The following NUP210 variants were observed in gnomAD, a reference collection of about 807,000 sequenced individuals.
The protein encoded by NUP210 is nuclear pore membrane glycoprotein 210.
In NUP210, 151 loss-of-function variants were observed where a neutral mutation model predicts 196.0. The observed-to-expected ratio is 0.77, with a 90% CI of 0.67 to 0.88. NUP210 has a LOEUF of 0.88. Among genes scored for constraint, NUP210 ranks in the 40% least tolerant of loss-of-function variants. NUP210 has a pLI of 0.00. For missense variants in NUP210, 2,314 were observed against 2,493.7 expected (o/e 0.93, Z 1.53); for synonymous variants, 1,070 against 1,052.7 (o/e 1.02, Z -0.32).
At chr3:13,404,364 T>C (rs1699934042) in intron 1 of NUP210, among the ~76,000 whole-genome samples, 1 of 152,152 alleles carries the variant, frequency 6.6e-6, no homozygotes, top group Non-Finnish European at 1.5e-5. Flanking sequence ...TAAGGAGGAA[T>C]TCACTTTTAT....
At chr3:13,381,909 G>A (rs987335525) in intron 6 of NUP210, among the ~76,000 whole-genome samples, 3 of 152,014 alleles carry the variant, frequency 2.0e-5, no homozygotes, top group Non-Finnish European at 4.4e-5. Flanking sequence ...GAGCTCCTGC[G>A]GAGCTGGGTC....
chr3:13,384,045 C>G (rs1389220030), intron 6 of NUP210, among the ~76,000 whole-genome samples: 1 of 152,202 alleles, frequency 6.6e-6, no homozygotes. Flanking sequence ...TCACTGCAAC[C>G]TCCACCTCCT....
At chr3:13,341,924 C>T in intron 22 of NUP210, 41 bp from the exon 23 acceptor site, 2 of 1,613,466 alleles carry the variant, frequency 1.2e-6, no homozygotes, top group East Asian at 2.2e-5. Context: ...CAAGACCACC[C>T]CGTGGGAAAG....
At chr3:13,413,004 C>T (rs1300718662) in intron 1 of NUP210, among the ~76,000 whole-genome samples, 2 of 151,626 alleles carry the variant, frequency 1.3e-5, no homozygotes, top group Non-Finnish European at 2.9e-5. Flanking sequence ...CAGTAGCTCA[C>T]GCCTGTAATC....
intron 36 of NUP210, among the ~76,000 whole-genome samples, chr3:13,321,374 C>G (rs972459090): frequency 2.6e-5 from 4 of 152,238 alleles, no homozygotes; most frequent in Non-Finnish European, 5.9e-5. Flanking sequence ...AGACCAGCAG[C>G]GGTCAGAACA....
chr3:13,373,926 G>A (rs1698813598), intron 11 of NUP210, 53 bp from the exon 12 acceptor site: 1 of 1,595,502 alleles, frequency 6.3e-7, no homozygotes, highest in African/African-American at 1.3e-5. Flanking sequence ...GCCTGCTGGG[G>A]AAGTCAGAGG....
intron 20 of NUP210, among the ~76,000 whole-genome samples, chr3:13,346,622 T>G (rs967998077): frequency 1.6e-4 from 24 of 152,172 alleles, no homozygotes; most frequent in African/African-American, 5.8e-4. Context: ...CCTCGGAGCT[T>G]GCCAGGCCCC....
rs1411476691 is a variant in NUP210, at chr3:13,372,022, A to G, written c.1598T>C (p.Ile533Thr). The change falls in exon 13 of 40, where the codon ATC becomes ACC. Residue 533 changes from isoleucine to threonine, a missense_variant. Physicochemically the swap from Ile to Thr is moderately conservative, Grantham distance 89 (BLOSUM62 -1). Transcript: ENST00000254508. The part of the protein sequence containing the change: ...LHFGEMKVYV[I>T]EPHSMEFAPC... Reference sequence around the variant, plus strand: ...GGCAAACTCCATGCTGTGGGGCTCGATCACATACACCTGGAAGACAGGGGC... The same window carrying G: ...GGCAAACTCCATGCTGTGGGGCTCGGTCACATACACCTGGAAGACAGGGGC... 6.3e-7 allele frequency: 1 copy of G among 1,579,422 alleles called. No individual in the cohort carries two copies. The highest frequency in any genetic ancestry group is 1.2e-5 in the South Asian group (1 of 86,782).
At chr3:13,397,839 C>A (rs923862254) in intron 2 of NUP210, among the ~76,000 whole-genome samples, 3 of 152,210 alleles carry the variant, frequency 2.0e-5, no homozygotes, top group African/African-American at 7.2e-5. Context: ...AAGACGAGAA[C>A]CCTGTCCCTT....
intron 10 of NUP210, 92 bp downstream of exon 10, chr3:13,376,199 C>T (rs1162333794): frequency 1.4e-6 from 2 of 1,390,124 alleles, no homozygotes; most frequent in East Asian, 2.3e-5. Context: ...GGCCCAACTC[C>T]CTGGGACTCA....
intron 39 of NUP210, among the ~76,000 whole-genome samples, chr3:13,318,422 A>C (rs1314695116): frequency 6.6e-6 from 1 of 152,182 alleles, no homozygotes; most frequent in African/African-American, 2.4e-5. Context: ...TTTCAAAAAA[A>C]TTCAGGGACC....
In NUP210 at chr3:13,353,415, C is replaced by A. The variant is rs943781257; in HGVS notation, c.2628+139G>T. The A allele has an allele frequency of 2.5e-5, 17 of 693,836 alleles. No individual in the cohort carries two copies. The Admixed American group carries it at 3.6e-4, about 15-fold the overall frequency. The allele number at this position is 693,836 out of a possible 1,614,324, so 43.0% of individuals were successfully genotyped here. On this transcript the variant is annotated intron_variant, in intron 18 of 39. Coordinates refer to ENST00000254508, the MANE Select transcript of NUP210 (RefSeq NM_024923.4). The stretch of plus-strand genomic sequence containing the variant: ...TTAATAGCAGTGCCTCTCCTGGGGC[C>A]TCCAAGAGGCTGGGGTGGGGGAGTG...
At chr3:13,354,177 A>G (rs1239382317) in intron 16 of NUP210, 70 bp from the exon 17 acceptor site, 1 of 1,336,768 alleles carries the variant, frequency 7.5e-7, no homozygotes, top group Non-Finnish European at 1.0e-6. Flanking sequence ...CACGCAGTGC[A>G]CTCTGAGGCC....
chr3:13,420,114 G>A lies in NUP210; in HGVS notation c.113C>T (p.Thr38Met). 7.2e-7 allele frequency: 1 copy of A among 1,383,230 alleles called. No individual in the cohort carries two copies. The allele number at this position is 1,383,230 out of a possible 1,614,324, so 85.7% of individuals were successfully genotyped here. Reference sequence around the variant, plus strand: ...CGTGAAGTTAACGCGCGTGGCCCGCGTGAAGGGCAGCAGCACTTTGGGGAT... The same window carrying A: ...CGTGAAGTTAACGCGCGTGGCCCGCATGAAGGGCAGCAGCACTTTGGGGAT... Reference protein sequence around the residue: ...LNIPKVLLPFTRATRVNFTLE... With the variant: ...LNIPKVLLPFMRATRVNFTLE... The change falls in exon 1 of 40, where the codon ACG becomes ATG. Residue 38 changes from threonine to methionine, a missense_variant. Transcript: ENST00000254508. The surrounding 1 kb of genome is among the most constrained non-coding windows in gnomAD (Gnocchi z 4.8).
At chr3:13,338,900 T>C (rs953890273) in intron 25 of NUP210, among the ~76,000 whole-genome samples, 4 of 152,134 alleles carry the variant, frequency 2.6e-5, no homozygotes, top group African/African-American at 9.7e-5. Context: ...CGCAGGGCCC[T>C]GTGCCCCTCT....
chr3:13,412,108 G>T (rs563374780), intron 1 of NUP210, among the ~76,000 whole-genome samples: 1 of 151,716 alleles, frequency 6.6e-6, no homozygotes, highest in African/African-American at 2.4e-5. Flanking sequence ...GGCTGGAGTA[G>T]AGTGGTACAA....
chr3:13,358,163 T>A, intron 16 of NUP210, 59 bp downstream of exon 16: 1 of 1,500,104 alleles, frequency 6.7e-7, no homozygotes, highest in Non-Finnish European at 9.1e-7. Context: ...AGGCCACCAA[T>A]GTCCTCCTGC....
At chr3:13,413,388 T>A (rs914624580) in intron 1 of NUP210, among the ~76,000 whole-genome samples, 2 of 151,556 alleles carry the variant, frequency 1.3e-5, no homozygotes, top group African/African-American at 4.9e-5. Context: ...GAGAATGGCA[T>A]GAACCCGGGA....
intron 1 of NUP210, among the ~76,000 whole-genome samples, chr3:13,401,368 C>T (rs1576421238): frequency 6.6e-6 from 1 of 151,890 alleles, no homozygotes; most frequent in African/African-American, 2.4e-5. Flanking sequence ...GCACAAGGCC[C>T]CTTCCAACAC....
Sources: allele counts gnomAD v4.1 joint callset (sites outside exome capture counted in the v4.1 genomes callset), GRCh38; gene constraint gnomAD v4.1.1; non-coding constraint Gnocchi (gnomAD v3.1); transcripts MANE v1.5; gene names NCBI Gene and HGNC (gene_info 2026-07-23, HGNC 2026-07-21).